Variants in BTBD16 observed in about 807,000 individuals in gnomAD.
BTBD16 encodes BTB/POZ domain-containing protein 16.
In BTBD16, 66 loss-of-function variants were observed where a neutral mutation model predicts 67.4. The observed-to-expected ratio is 0.98, with a 90% confidence interval of 0.80 to 1.20. The LOEUF (loss-of-function observed/expected upper bound fraction) is 1.20, where lower values mean the gene tolerates loss of function less well. Ranked by LOEUF, BTBD16 falls within the 50% of genes most tolerant of loss-of-function variation. BTBD16 has a pLI of 0.00. For synonymous variants in BTBD16, 242 were observed against 236.4 expected (o/e 1.02, Z -0.22); for missense variants, 634 against 616.0 (o/e 1.03, Z -0.31).
chr10:122,329,430 A>G, intron 10 of BTBD16, 50 bp from the exon 11 acceptor site: 1 of 1,570,586 alleles, frequency 6.4e-7, no homozygotes, highest in African/African-American at 1.3e-5. Flanking sequence ...AGCTAATTCC[A>G]GAGAGGAGTT....
At chr10:122,325,479 A>C in intron 10 of BTBD16, among the ~76,000 whole-genome samples, 1 of 152,238 alleles carries the variant, frequency 6.6e-6, no homozygotes, top group African/African-American at 2.4e-5. Flanking sequence ...GTAACAACAC[A>C]CACTCACCAG....
In BTBD16 at chr10:122,275,058, C is replaced by G; in HGVS notation, c.-24C>G. On this transcript the variant is annotated 5_prime_UTR_variant, in exon 2 of 16. Coordinates refer to ENST00000260723, the MANE Select transcript of BTBD16 (RefSeq NM_144587.5). ...CTTCTAGGTTGCTTGTCTTTTCTCTCCTGCGTAATTTCCACTTTCATTCAT... is the reference window on the plus strand; with the variant it reads ...CTTCTAGGTTGCTTGTCTTTTCTCTGCTGCGTAATTTCCACTTTCATTCAT... 2 of 1,613,710 alleles carry G rather than the reference C, an allele frequency of 1.2e-6. No homozygotes were observed. The highest frequency in any genetic ancestry group is 1.7e-6 in the Non-Finnish European group (2 of 1,179,696).
intron 12 of BTBD16, 63 bp downstream of exon 12, chr10:122,331,321 T>C: frequency 6.3e-7 from 1 of 1,596,240 alleles, no homozygotes; most frequent in Non-Finnish European, 8.5e-7. Flanking sequence ...ACTTTGTTTT[T>C]TCTGGAGATG....
chr10:122,316,371 G>T (rs1234370375), intron 10 of BTBD16, among the ~76,000 whole-genome samples: 1 of 152,142 alleles, frequency 6.6e-6, no homozygotes, highest in Non-Finnish European at 1.5e-5. Flanking sequence ...TATCACTCTA[G>T]ATTTGTTTGC....
intron 3 of BTBD16, among the ~76,000 whole-genome samples, chr10:122,279,541 C>CACACACACACACAT (rs1224448474): frequency 1.3e-5 from 2 of 151,700 alleles, no homozygotes; most frequent in East Asian, 3.9e-4. Flanking sequence ...CACACACACA[C>CACACACACACACAT]ACACATCTTT....
At chr10:122,295,784 C>A (rs1054240937) in intron 7 of BTBD16, among the ~76,000 whole-genome samples, 11 of 152,158 alleles carry the variant, frequency 7.2e-5, no homozygotes, top group Non-Finnish European at 1.5e-4. Flanking sequence ...CAAGACAACT[C>A]CTTCTAATGG....
chr10:122,294,568 A>G (rs1487606240), intron 7 of BTBD16, among the ~76,000 whole-genome samples: 1 of 152,228 alleles, frequency 6.6e-6, no homozygotes, highest in Non-Finnish European at 1.5e-5. Context: ...ACACGCTCAC[A>G]CACATACACA....
rs1428720810 is a variant in BTBD16, at chr10:122,327,638, C to T, written c.912-1842C>T. ...TCTCCATGTCATCCACAAAAGTGGG[C>T]ATCATTGCCACTTCCCAGAGGCCCC... On this transcript the variant is annotated intron_variant, in intron 10 of 15. Transcript: ENST00000260723. 9 of 985,354 alleles carry T rather than the reference C, an allele frequency of 9.1e-6. No homozygotes were observed. In the East Asian group the frequency reaches 9.1e-4, roughly 99 times the overall value. 61.0% of individuals were successfully genotyped at this position (985,354 alleles called of 1,614,324 possible).
At chr10:122,274,879 A>C (rs549921635) in intron 1 of BTBD16, among the ~76,000 whole-genome samples, 161 bp from the exon 2 acceptor site, 2 of 152,114 alleles carry the variant, frequency 1.3e-5, no homozygotes, top group African/African-American at 4.8e-5. Flanking sequence ...CAAACAAAAA[A>C]CCCCAGCAAC....
chr10:122,316,790 CTT>C (rs528679644), intron 10 of BTBD16, among the ~76,000 whole-genome samples: 1,910 of 142,884 alleles, frequency 0.013, 36 homozygotes, highest in African/African-American at 0.046. Context: ...GCACTGTAGA[CTT>C]TTTTTTTTTT....
chr10:122,322,204 C>T (rs548346058), intron 10 of BTBD16, among the ~76,000 whole-genome samples: 2 of 152,196 alleles, frequency 1.3e-5, no homozygotes, highest in South Asian at 2.1e-4. Flanking sequence ...TTTTTCTCTT[C>T]GTTATTTCCT....
intron 10 of BTBD16, among the ~76,000 whole-genome samples, chr10:122,317,625 T>C (rs979277125): frequency 2.6e-5 from 4 of 151,680 alleles, no homozygotes; most frequent in Non-Finnish European, 4.4e-5. Context: ...CCAGCCTGGG[T>C]GACAGAGCGA....
chr10:122,285,476 T>C (rs900366321), intron 4 of BTBD16, among the ~76,000 whole-genome samples: 2 of 152,168 alleles, frequency 1.3e-5, no homozygotes, highest in African/African-American at 4.8e-5. Context: ...CTATTGCCTT[T>C]CAGATGGGTC....
chr10:122,320,849 T>G (rs537045453), intron 10 of BTBD16, among the ~76,000 whole-genome samples: 4 of 152,298 alleles, frequency 2.6e-5, no homozygotes, highest in Non-Finnish European at 5.9e-5. Context: ...TTATGTCTAT[T>G]TTTAAAAATT....
chr10:122,285,210 TC>T (rs963181646), intron 4 of BTBD16, among the ~76,000 whole-genome samples: 6 of 151,838 alleles, frequency 4.0e-5, no homozygotes, highest in African/African-American at 9.7e-5. Flanking sequence ...GCACCTCTCC[TC>T]CCCCCAGCTC....
At chr10:122,286,006 A>G in intron 4 of BTBD16, 99 bp from the exon 5 acceptor site, 1 of 1,205,738 alleles carries the variant, frequency 8.3e-7, no homozygotes, top group Non-Finnish European at 1.2e-6. Flanking sequence ...CATGTGCTTA[A>G]TGATCCACCG....
At chr10:122,334,811 C>T (rs962104281) in intron 13 of BTBD16, 70 bp from the exon 14 acceptor site, 3 of 968,444 alleles carry the variant, frequency 3.1e-6, no homozygotes, top group Non-Finnish European at 4.9e-6. Flanking sequence ...TGTGAACCAC[C>T]ACGCCCGGGT....
At chr10:122,294,244 C>G in intron 7 of BTBD16, 1 of 983,100 alleles carries the variant, frequency 1.0e-6, no homozygotes, top group East Asian at 1.1e-4. Context: ...GTTTGTGTGT[C>G]TGTGTAACGG....
intron 10 of BTBD16, among the ~76,000 whole-genome samples, chr10:122,328,304 A>G (rs2096448889): frequency 6.6e-6 from 1 of 152,152 alleles, no homozygotes; most frequent in African/African-American, 2.4e-5. Flanking sequence ...CACTCCTGAA[A>G]GCATCCGCCT....
Sources: gnomAD v4.1 joint callset for allele counts (sites outside exome capture counted in the v4.1 genomes callset) on GRCh38, gnomAD v4.1.1 for gene constraint, MANE v1.5 for transcripts, NCBI Gene and HGNC (gene_info 2026-07-23, HGNC 2026-07-21) for gene names.